PRIM2: variants seen among roughly 807,000 people sequenced by gnomAD.
The protein encoded by PRIM2 is DNA primase large subunit.
In PRIM2, 39 loss-of-function variants were observed where a neutral mutation model predicts 67.3. That is an observed-to-expected ratio of 0.58 (90% confidence interval 0.45 to 0.76). The LOEUF (loss-of-function observed/expected upper bound fraction) is 0.76. PRIM2 is among the 30% of genes least tolerant of loss of function. PRIM2 has a pLI of 0.00. For synonymous variants in PRIM2, 143 were observed against 198.7 expected (o/e 0.72, Z 2.36); for missense variants, 398 against 598.7 (o/e 0.66, Z 3.50).
intron 7 of PRIM2, among the ~76,000 whole-genome samples, chr6:57,393,336 A>G (rs576923728): frequency 2.6e-5 from 4 of 152,042 alleles, no homozygotes; most frequent in African/African-American, 9.6e-5. Context: ...TTTGATTTTG[A>G]TTATGGCCAT....
At chr6:57,401,507 A>G (rs1770706710) in intron 7 of PRIM2, among the ~76,000 whole-genome samples, 1 of 152,136 alleles carries the variant, frequency 6.6e-6, no homozygotes, top group Non-Finnish European at 1.5e-5. Flanking sequence ...AGGTGGAGCC[A>G]TGTTCCCTCT....
chr6:57,300,740 C>T, the PRIM2 span, among the ~76,000 whole-genome samples: 3 of 152,096 alleles, frequency 2.0e-5, no homozygotes, highest in Non-Finnish European at 4.4e-5. Context: ...CAACAGTCCC[C>T]GGCCGGGTGC....
At chr6:57,377,708 A>T (rs1234829182) in intron 5 of PRIM2, among the ~76,000 whole-genome samples, 6 of 151,604 alleles carry the variant, frequency 4.0e-5, no homozygotes, top group Non-Finnish European at 5.9e-5. Context: ...CTGTGCCTAA[A>T]TTTTTTTTGT....
intron 13 of PRIM2, among the ~76,000 whole-genome samples, chr6:57,639,893 C>A (rs1777199240): frequency 6.6e-6 from 1 of 151,846 alleles, no homozygotes; most frequent in Admixed American, 6.6e-5. Flanking sequence ...ATGAGGCCAG[C>A]ATCATCCTGA....
At chr6:57,333,514 A>G (rs1327519270) in intron 5 of PRIM2, among the ~76,000 whole-genome samples, 2 of 152,104 alleles carry the variant, frequency 1.3e-5, no homozygotes, top group African/African-American at 4.8e-5. Flanking sequence ...TGGGTTGGGA[A>G]CTTGGTGGAC....
chr6:57,613,145 C>T (rs1776696115), intron 12 of PRIM2, among the ~76,000 whole-genome samples: 1 of 151,696 alleles, frequency 6.6e-6, no homozygotes, highest in Non-Finnish European at 1.5e-5. Context: ...CATAATGAGC[C>T]AAAATATTTA....
the PRIM2 span, among the ~76,000 whole-genome samples, chr6:57,237,627 T>TA: frequency 2.6e-5 from 4 of 152,210 alleles, no homozygotes; most frequent in Middle Eastern, 3.2e-3. Flanking sequence ...TTCAGCTTTC[T>TA]ACATATGGCT....
At chr6:57,476,126 C>T (rs1433493574) in intron 7 of PRIM2, among the ~76,000 whole-genome samples, 2 of 152,058 alleles carry the variant, frequency 1.3e-5, no homozygotes, top group Non-Finnish European at 2.9e-5. Context: ...TTCCCATCTC[C>T]CTACCCCCTC....
At chr6:57,624,182 G>A (rs1776906090) in intron 12 of PRIM2, among the ~76,000 whole-genome samples, 1 of 152,104 alleles carries the variant, frequency 6.6e-6, no homozygotes, top group Non-Finnish European at 1.5e-5. Flanking sequence ...TTGACAACAT[G>A]TTTCTCCGTA....
At chr6:57,222,991 T>G in the PRIM2 span, among the ~76,000 whole-genome samples, 5 of 152,166 alleles carry the variant, frequency 3.3e-5, no homozygotes, top group Non-Finnish European at 5.9e-5. Context: ...GACAGGCAGG[T>G]ATCAGAATGT....
chr6:57,328,082 G>A (rs1767928355), intron 5 of PRIM2, among the ~76,000 whole-genome samples: 1 of 152,206 alleles, frequency 6.6e-6, no homozygotes, highest in African/African-American at 2.4e-5. Flanking sequence ...CACCTCCTGT[G>A]CAGCCTGGTT....
intron 7 of PRIM2, among the ~76,000 whole-genome samples, chr6:57,444,465 G>T (rs1283294029): frequency 2.0e-5 from 3 of 151,938 alleles, no homozygotes; most frequent in African/African-American, 7.3e-5. Flanking sequence ...TACTTGGGAG[G>T]CTGGGGCAGA....
chr6:57,407,586 T>A (rs1247388695), intron 7 of PRIM2, among the ~76,000 whole-genome samples: 3 of 152,226 alleles, frequency 2.0e-5, no homozygotes, highest in Non-Finnish European at 4.4e-5. Flanking sequence ...AGGAATTTAT[T>A]TATCCTTCAA....
intron 13 of PRIM2, among the ~76,000 whole-genome samples, chr6:57,644,364 C>T (rs1777297265): frequency 6.6e-6 from 1 of 152,118 alleles, no homozygotes; most frequent in Non-Finnish European, 1.5e-5. Context: ...AAATAGCACT[C>T]CTCTTACAAA....
chr6:57,450,234 T>G (rs12204738), intron 7 of PRIM2, among the ~76,000 whole-genome samples: 1 of 152,198 alleles, frequency 6.6e-6, no homozygotes, highest in East Asian at 1.9e-4. Flanking sequence ...TTTGTAAAAA[T>G]GCAGTTGAAA....
At chr6:57,455,454 A>G (rs2127393259) in intron 7 of PRIM2, among the ~76,000 whole-genome samples, 1 of 152,250 alleles carries the variant, frequency 6.6e-6, no homozygotes, top group South Asian at 2.1e-4. Context: ...GACTTGCTTT[A>G]TGATTCTGGG....
At chr6:57,280,832 A>T in the PRIM2 span, among the ~76,000 whole-genome samples, 2,905 of 152,092 alleles carry the variant, frequency 0.019, 105 homozygotes, top group African/African-American at 0.065. Context: ...TTTAAAAAAA[A>T]TTTTCATTGA....
the PRIM2 span, among the ~76,000 whole-genome samples, chr6:57,273,108 G>C: frequency 2.0e-5 from 3 of 152,064 alleles, no homozygotes; most frequent in African/African-American, 7.3e-5. Context: ...ATGTGTCTTG[G>C]AGTTGCTCTT....
chr6:57,273,003 G>A, the PRIM2 span, among the ~76,000 whole-genome samples: 1 of 152,204 alleles, frequency 6.6e-6, no homozygotes, highest in Non-Finnish European at 1.5e-5. Flanking sequence ...TCAGCTGTTT[G>A]TCTGATGGGC....
Sources: gnomAD v4.1 joint callset for allele counts (sites outside exome capture counted in the v4.1 genomes callset) on GRCh38, gnomAD v4.1.1 for gene constraint, MANE v1.5 for transcripts, NCBI Gene and HGNC (gene_info 2026-07-23, HGNC 2026-07-21) for gene names.